Variants in SERPINB10 observed in about 807,000 individuals in gnomAD.
The protein encoded by SERPINB10 is serpin family B member 10, also known as serpin B10.
Under a neutral mutation model 39.1 loss-of-function variants are expected in SERPINB10, and 35 were observed. The ratio of observed to expected loss-of-function variants is 0.90; its 90% CI spans 0.68 to 1.19. The LOEUF (loss-of-function observed/expected upper bound fraction) is 1.19, where lower values mean the gene tolerates loss of function less well. SERPINB10 is among the 50% of genes most tolerant of loss of function. The pLI is 0.00. For missense variants in SERPINB10, 546 were observed against 460.5 expected, an observed-to-expected ratio of 1.19 and a Z score of -1.70; for synonymous variants, 190 against 158.1, an observed-to-expected ratio of 1.20 and a Z score of -1.52.
chr18:63,913,852 G>T (rs1417321367), intron 1 of SERPINB10, among the ~76,000 whole-genome samples: 1 of 151,946 alleles, frequency 6.6e-6, no homozygotes, highest in Non-Finnish European at 1.5e-5. Context: ...CTGTCAATGG[G>T]GTGTTAAAGT....
intron 6 of SERPINB10, among the ~76,000 whole-genome samples, chr18:63,930,527 A>G (rs2050214996): frequency 6.6e-6 from 1 of 152,132 alleles, no homozygotes; most frequent in African/African-American, 2.4e-5. Context: ...AAGAGTCCTC[A>G]CTGCAAGTTC....
intron 2 of SERPINB10, 104 bp from the exon 3 acceptor site, chr18:63,917,352 G>T: frequency 1.7e-6 from 1 of 598,504 alleles, no homozygotes; most frequent in Non-Finnish European, 2.7e-6. Flanking sequence ...CTAATTATAT[G>T]TTCTGCAATT....
rs201704737 is a variant in SERPINB10 at position 63,930,116 on chromosome 18, T to C, written c.562T>C (p.Tyr188His). 2.3e-5 allele frequency: 37 copies of C among 1,613,554 alleles called. No individual in the cohort carries two copies. The highest frequency in any genetic ancestry group is 2.8e-5 in the Non-Finnish European group (33 of 1,179,724). Residue 188 changes from tyrosine (Y) to histidine (H), a missense_variant, in exon 6 of 8, where the codon TAC (tyrosine) becomes CAC (histidine). Transcript: ENST00000238508. ...TTRMILVNAL[Y>H]FKGIWEHQFL... is the part of the protein sequence containing the mutation. ...CAGGATGATTCTGGTGAACGCCCTA[T>C]ACTTTAAAGGAATCTGGGAACATCA... is the stretch of plus-strand genomic sequence containing the variant.
chr18:63,925,516 G>A (rs1309414752), intron 5 of SERPINB10, among the ~76,000 whole-genome samples: 1 of 151,984 alleles, frequency 6.6e-6, no homozygotes, highest in African/African-American at 2.4e-5. Context: ...GAAGGACACA[G>A]GAGCCAACAG....
At chr18:63,931,025 C>G (rs940230096) in intron 6 of SERPINB10, among the ~76,000 whole-genome samples, 8 of 152,104 alleles carry the variant, frequency 5.3e-5, no homozygotes, top group African/African-American at 1.7e-4. Context: ...AACACATAAT[C>G]GAGTAGGTTA....
chr18:63,912,818 C>G (rs1169520129), intron 1 of SERPINB10, among the ~76,000 whole-genome samples: 1 of 151,826 alleles, frequency 6.6e-6, no homozygotes, highest in Non-Finnish European at 1.5e-5. Flanking sequence ...GGAGTCCCTC[C>G]TCTTTAATTT....
chr18:63,923,594 T>A (rs116901020), intron 5 of SERPINB10, among the ~76,000 whole-genome samples: 2 of 151,946 alleles, frequency 1.3e-5, no homozygotes, highest in Admixed American at 6.6e-5. Flanking sequence ...CAACATTATG[T>A]TCTAGGCAGG....
Position 63,934,978 on chromosome 18 carries a change from G to C in SERPINB10, c.930G>C (p.Gly310=). 1 of 1,614,236 alleles carries C rather than the reference G, an allele frequency of 6.2e-7. No individual in the cohort carries two copies. The highest frequency in any genetic ancestry group is 1.7e-5 in the Admixed American group (1 of 60,034). The part of the protein sequence containing the change: ...YDLKSTLSSM[G]MSDAFSQSKA... ...TCAAGTCAACCCTGAGCAGTATGGG[G>C]ATGAGTGATGCCTTCAGCCAAAGCA... Residue 310 remains glycine (G), a synonymous_variant, in exon 8 of 8, where the codon GGG becomes GGC. Transcript: ENST00000238508.
chr18:63,928,369 T>C lies in SERPINB10; in HGVS notation c.491-1676T>C, dbSNP rs142645418. 1.6e-3 allele frequency among the ~76,000 whole-genome samples: 241 copies of C among 152,256 alleles called. 8 individuals carry two copies. The East Asian group carries it at 0.041, about 26-fold the overall frequency. On this transcript the variant is annotated intron_variant, in intron 5 of 7. Transcript: ENST00000238508. ...GAGATATATATTTGACGTATTTTTA[T>C]AAATCGTTCAAGGTGCTTTATTAGA...
Position 63,935,080 on chromosome 18 carries a change from A to T in SERPINB10, c.1032A>T (p.Ile344=). ...SNVFHKAFVE[I]NEQGTEAAAG... ...TTTTCCATAAGGCTTTTGTGGAAAT[A>T]AATGAACAAGGTACTGAAGCTGCAG... is the stretch of plus-strand genomic sequence containing the variant. The change falls in exon 8 of 8, where the codon ATA becomes ATT. Residue 344 remains isoleucine, a synonymous_variant. Transcript: ENST00000238508. 10 of 1,614,214 alleles carry T rather than the reference A, an allele frequency of 6.2e-6. No homozygotes were observed. The highest frequency in any genetic ancestry group is 7.6e-6 in the Non-Finnish European group (9 of 1,180,044).
At chr18:63,933,226 A>G (rs1276223916) in intron 7 of SERPINB10, 23 bp downstream of exon 7, 1 of 1,613,190 alleles carries the variant, frequency 6.2e-7, no homozygotes, top group South Asian at 1.1e-5. Flanking sequence ...AGTGTGTCTG[A>G]TGTGAGGGTG....
At chr18:63,933,561 AG>A (rs2050239502) in intron 7 of SERPINB10, among the ~76,000 whole-genome samples, 1 of 152,220 alleles carries the variant, frequency 6.6e-6, no homozygotes, top group South Asian at 2.1e-4. Context: ...CAATCAGTCT[AG>A]GTTTCCCTCT....
Position 63,919,920 on chromosome 18 carries a change from A to G in SERPINB10, c.490+15A>G. 6.5e-7 allele frequency: 1 copy of G among 1,546,054 alleles called. No individual in the cohort carries two copies. Among genetic ancestry groups the G allele is most frequent in the South Asian group, 1.1e-5 (1 of 87,046 alleles). ...ACAGACCGAGGGTAAGCTTTCACCA[A>G]GGGGTTTGGCAGCGTGCTTTTCCCA... On this transcript the variant is annotated intron_variant, in intron 5 of 7. Transcript: ENST00000238508.
At chr18:63,927,239 AT>A (rs909307639) in intron 5 of SERPINB10, among the ~76,000 whole-genome samples, 1 of 152,054 alleles carries the variant, frequency 6.6e-6, no homozygotes, top group African/African-American at 2.4e-5. Flanking sequence ...TTATAGAAGT[AT>A]TCTTCATTTT....
intron 1 of SERPINB10, among the ~76,000 whole-genome samples, chr18:63,910,660 T>C (rs1003115206): frequency 6.6e-6 from 1 of 152,078 alleles, no homozygotes; most frequent in African/African-American, 2.4e-5. Context: ...TAGTATTCCA[T>C]GGTGTGTATG....
intron 1 of SERPINB10, among the ~76,000 whole-genome samples, chr18:63,913,534 G>GGTACCAAT (rs2050080127): frequency 6.6e-6 from 1 of 151,980 alleles, no homozygotes; most frequent in Non-Finnish European, 1.5e-5. Flanking sequence ...TTACCAAAAA[G>GGTACCAAT]TCATTCAGTA....
At chr18:63,911,935 AT>A (rs55659332) in intron 1 of SERPINB10, among the ~76,000 whole-genome samples, 39,479 of 150,562 alleles carry the variant, frequency 0.26, 5,775 homozygotes, top group African/African-American at 0.4. Flanking sequence ...ATTTGTTTGT[AT>A]TATTTATGAT....
chr18:63,933,996 C>G (rs1183878515), intron 7 of SERPINB10, among the ~76,000 whole-genome samples: 1 of 152,052 alleles, frequency 6.6e-6, no homozygotes, highest in Non-Finnish European at 1.5e-5. Flanking sequence ...GAAAATAAAA[C>G]CAGTGTGGAC....
intron 1 of SERPINB10, among the ~76,000 whole-genome samples, chr18:63,910,144 T>G (rs1452877022): frequency 6.6e-6 from 1 of 151,992 alleles, no homozygotes; most frequent in Non-Finnish European, 1.5e-5. Context: ...CTCTCATGAT[T>G]AAGTTATTTG....
Sources: allele counts gnomAD v4.1 joint callset (sites outside exome capture counted in the v4.1 genomes callset), GRCh38; gene constraint gnomAD v4.1.1; transcripts MANE v1.5; gene names NCBI Gene and HGNC (gene_info 2026-07-23, HGNC 2026-07-21).